The following EYS variants were observed in gnomAD, a reference collection of about 807,000 sequenced individuals.
EYS encodes the protein protein eyes shut homolog.
A neutral mutation model predicts 282.1 loss-of-function variants in EYS; 250 were observed. The ratio of observed to expected loss-of-function variants is 0.89; its 90% CI spans 0.80 to 0.98. The LOEUF (loss-of-function observed/expected upper bound fraction) is 0.98. Among genes scored for constraint, EYS ranks in the 50% least tolerant of loss-of-function variants. EYS has a pLI of 0.00. For synonymous variants in EYS, 1,355 were observed against 1,282.9 expected (o/e 1.06, Z -1.20); for missense variants, 4,016 against 3,709.0 (o/e 1.08, Z -2.15).
At chr6:64,178,273 A>G (rs942970540) in intron 31 of EYS, among the ~76,000 whole-genome samples, 1 of 152,132 alleles carries the variant, frequency 6.6e-6, no homozygotes, top group Non-Finnish European at 1.5e-5. Flanking sequence ...GGGATCTTCA[A>G]TAAAAAGGCA....
At chr6:64,274,834 C>T (rs1462477317) in intron 30 of EYS, among the ~76,000 whole-genome samples, 1 of 151,954 alleles carries the variant, frequency 6.6e-6, no homozygotes, top group African/African-American at 2.4e-5. Flanking sequence ...CAGTGCCTGG[C>T]CATCGTAAGT....
chr6:63,752,245 A>C (rs186048212), intron 41 of EYS, among the ~76,000 whole-genome samples: 1 of 152,318 alleles, frequency 6.6e-6, no homozygotes, highest in East Asian at 1.9e-4. Context: ...GATATCCAAG[A>C]GTAACCATCT....
At chr6:64,745,919 A>G (rs1772542475) in intron 22 of EYS, among the ~76,000 whole-genome samples, 1 of 152,116 alleles carries the variant, frequency 6.6e-6, no homozygotes, top group Admixed American at 6.5e-5. Context: ...TGCAAGCATC[A>G]CACATATCCT....
intron 14 of EYS, among the ~76,000 whole-genome samples, chr6:64,986,700 A>G (rs963303759): frequency 2.0e-5 from 3 of 150,632 alleles, no homozygotes; most frequent in African/African-American, 7.3e-5. Flanking sequence ...TAAAGTTAAA[A>G]TGTTTTGCAC....
intron 5 of EYS, among the ~76,000 whole-genome samples, chr6:65,442,767 A>T (rs977394779): frequency 2.1e-5 from 3 of 142,846 alleles, no homozygotes; most frequent in African/African-American, 7.3e-5. Flanking sequence ...AAATAAAAAT[A>T]AAAAATAAAA....
chr6:65,635,779 GT>G (rs1767063184), intron 2 of EYS, among the ~76,000 whole-genome samples: 1 of 152,144 alleles, frequency 6.6e-6, no homozygotes, highest in South Asian at 2.1e-4. Context: ...ATTTGTTCAG[GT>G]TTTTTGCCTG....
At chr6:64,346,895 T>C (rs1771425114) in intron 29 of EYS, among the ~76,000 whole-genome samples, 1 of 151,450 alleles carries the variant, frequency 6.6e-6, no homozygotes, top group African/African-American at 2.4e-5. Flanking sequence ...TGATTATATG[T>C]ATCACTATAA....
intron 19 of EYS, among the ~76,000 whole-genome samples, chr6:64,854,852 A>G (rs1766004586): frequency 6.6e-6 from 1 of 151,968 alleles, no homozygotes; most frequent in African/African-American, 2.4e-5. Context: ...CTGTTTCTGG[A>G]GGAAAAATAT....
intron 1 of EYS, among the ~76,000 whole-genome samples, chr6:65,684,121 G>A (rs1479473909): frequency 1.3e-5 from 2 of 151,864 alleles, no homozygotes; most frequent in Non-Finnish European, 2.9e-5. Context: ...CAATTTGTTT[G>A]GTGGAGATGT....
chr6:64,132,295 A>G (rs979825465), intron 31 of EYS, among the ~76,000 whole-genome samples: 1 of 152,100 alleles, frequency 6.6e-6, no homozygotes, highest in African/African-American at 2.4e-5. Flanking sequence ...ATAATTGAAT[A>G]TAATGAGTTA....
At chr6:63,954,937 C>T (rs1343574247) in intron 35 of EYS, among the ~76,000 whole-genome samples, 1 of 152,180 alleles carries the variant, frequency 6.6e-6, no homozygotes. Context: ...AGTGTTCTGT[C>T]TGCTATTCTA....
At chr6:65,693,182 T>C (rs1769306971) in intron 1 of EYS, among the ~76,000 whole-genome samples, 2 of 149,800 alleles carry the variant, frequency 1.3e-5, no homozygotes, top group Non-Finnish European at 3.0e-5. Context: ...TCTCTTTCTT[T>C]TCTTCTCTCT....
At chr6:65,694,515 G>C (rs1261919146) in intron 1 of EYS, among the ~76,000 whole-genome samples, 1 of 149,280 alleles carries the variant, frequency 6.7e-6, no homozygotes, top group Admixed American at 6.8e-5. Context: ...ACTCCTTCTT[G>C]ATTATAATTT....
At chr6:64,398,775 T>C (rs916090329) in intron 28 of EYS, among the ~76,000 whole-genome samples, 2 of 151,888 alleles carry the variant, frequency 1.3e-5, no homozygotes, top group Non-Finnish European at 2.9e-5. Flanking sequence ...CAGCCAACTT[T>C]GGGGCTTTGA....
Position 65,373,077 on chromosome 6 carries a change from C to T in EYS, c.1299+11309G>A, listed in dbSNP as rs113539044. On this transcript the variant is annotated intron_variant, in intron 8 of 42. Transcript: ENST00000503581. ...ATTTTCTTATAGCTTATTTAATACA[C>T]ATCTGCACAAATACAAATTTCATCC... Among the ~76,000 whole-genome samples the T allele has an allele frequency of 4.9e-3, 739 of 152,264 alleles. 6 individuals are homozygous for T. Among genetic ancestry groups the T allele is most frequent in the African/African-American group, 0.017 (691 of 41,578 alleles).
At chr6:63,887,477 G>A (rs11755149) in intron 35 of EYS, among the ~76,000 whole-genome samples, 1 of 151,862 alleles carries the variant, frequency 6.6e-6, no homozygotes, top group South Asian at 2.1e-4. Context: ...CGTTGGGACT[G>A]GTTAGACAAT....
intron 31 of EYS, among the ~76,000 whole-genome samples, chr6:64,143,357 A>G (rs1339830498): frequency 3.1e-4 from 2 of 6,418 alleles, no homozygotes; most frequent in South Asian, 3.7e-3. Flanking sequence ...CATTTATTGT[A>G]AAAAAAAAAA....
chr6:65,342,951 C>G (rs1343660369), intron 10 of EYS, among the ~76,000 whole-genome samples: 1 of 150,876 alleles, frequency 6.6e-6, no homozygotes, highest in Non-Finnish European at 1.5e-5. Flanking sequence ...TAATATGTAA[C>G]TATTTTTAAT....
chr6:63,970,861 T>C (rs966732204), intron 35 of EYS, among the ~76,000 whole-genome samples: 2 of 152,162 alleles, frequency 1.3e-5, no homozygotes, highest in Non-Finnish European at 2.9e-5. Context: ...AAGTATAATT[T>C]CATAATGGTA....
Sources: allele counts gnomAD v4.1 joint callset (sites outside exome capture counted in the v4.1 genomes callset), GRCh38; gene constraint gnomAD v4.1.1; transcripts MANE v1.5; gene names NCBI Gene and HGNC (gene_info 2026-07-23, HGNC 2026-07-21).